KCNQ5: variants seen among roughly 807,000 people sequenced by gnomAD.
KCNQ5 encodes the protein potassium voltage-gated channel subfamily Q member 5.
In KCNQ5, 30 loss-of-function variants were observed where a neutral mutation model predicts 98.2. That is an observed-to-expected ratio of 0.31 (90% CI 0.23 to 0.41). The LOEUF is 0.41. Among genes scored for constraint, KCNQ5 ranks in the 10% least tolerant of loss-of-function variants. The pLI, the probability that KCNQ5 is intolerant of heterozygous loss-of-function variation, is 1.00. For synonymous variants in KCNQ5, 458 were observed against 449.4 expected (o/e 1.02, Z -0.24); for missense variants, 835 against 1,182.5 (o/e 0.71, Z 4.31).
chr6:73,042,459 AT>A (rs1478945397), intron 3 of KCNQ5, among the ~76,000 whole-genome samples: 1 of 152,240 alleles, frequency 6.6e-6, no homozygotes, highest in South Asian at 2.1e-4. Context: ...TTCAGTGAGT[AT>A]AAAAAACCCT....
chr6:72,766,504 T>C (rs764623345), intron 1 of KCNQ5, among the ~76,000 whole-genome samples: 3 of 152,044 alleles, frequency 2.0e-5, no homozygotes, highest in Non-Finnish European at 4.4e-5. Flanking sequence ...AAGAACCTAT[T>C]TGGAGACTAT....
At chr6:72,831,557 C>T (rs1476974453) in intron 1 of KCNQ5, among the ~76,000 whole-genome samples, 1 of 146,054 alleles carries the variant, frequency 6.8e-6, no homozygotes, top group Non-Finnish European at 1.5e-5. Flanking sequence ...GGAAGCGGAA[C>T]ATCACACACC....
chr6:73,045,821 T>C (rs1771934267), intron 3 of KCNQ5, among the ~76,000 whole-genome samples: 2 of 152,170 alleles, frequency 1.3e-5, no homozygotes, highest in South Asian at 2.1e-4. Context: ...CAAAGGCAGA[T>C]ATAACAGGGC....
At chr6:72,737,336 A>G (rs1770901247) in intron 1 of KCNQ5, among the ~76,000 whole-genome samples, 1 of 152,246 alleles carries the variant, frequency 6.6e-6, no homozygotes, top group Non-Finnish European at 1.5e-5. Context: ...AATATTTATA[A>G]TGAAAGAAGA....
At chr6:73,142,854 T>A (rs1324196306) in intron 10 of KCNQ5, among the ~76,000 whole-genome samples, 1 of 152,056 alleles carries the variant, frequency 6.6e-6, no homozygotes, top group East Asian at 1.9e-4. Context: ...AAGAGGAGGT[T>A]GCAGTGAGCT....
intron 1 of KCNQ5, among the ~76,000 whole-genome samples, chr6:72,962,350 GGA>G (rs1345546389): frequency 6.6e-6 from 1 of 150,676 alleles, no homozygotes; most frequent in East Asian, 1.9e-4. Context: ...CTCAGATGCA[GGA>G]GAGAGAGGAC....
chr6:72,756,863 C>A (rs1379555441), intron 1 of KCNQ5, among the ~76,000 whole-genome samples: 3 of 151,924 alleles, frequency 2.0e-5, no homozygotes, highest in South Asian at 2.1e-4. Flanking sequence ...CATACTTGAT[C>A]GAAGTAAATG....
intron 3 of KCNQ5, among the ~76,000 whole-genome samples, chr6:73,067,364 C>T (rs1562158768): frequency 6.6e-6 from 1 of 152,050 alleles, no homozygotes; most frequent in African/African-American, 2.4e-5. Flanking sequence ...ATCTATAAAA[C>T]ATTTTTTTTT....
chr6:72,978,777 A>G (rs1768280596), intron 1 of KCNQ5, among the ~76,000 whole-genome samples: 2 of 152,206 alleles, frequency 1.3e-5, no homozygotes, highest in Non-Finnish European at 2.9e-5. Flanking sequence ...TGCTGCACCC[A>G]TTAACTCGTC....
At chr6:73,017,181 T>C (rs1770383589) in intron 2 of KCNQ5, among the ~76,000 whole-genome samples, 1 of 152,170 alleles carries the variant, frequency 6.6e-6, no homozygotes, top group Non-Finnish European at 1.5e-5. Context: ...GAAGAATTCA[T>C]TGTCCACAGT....
chr6:73,007,173 A>G (rs1050469855), intron 2 of KCNQ5, among the ~76,000 whole-genome samples: 9 of 152,226 alleles, frequency 5.9e-5, no homozygotes, highest in African/African-American at 1.9e-4. Context: ...CCTTGGTTAC[A>G]AGCCAAATGA....
chr6:73,044,528 A>G (rs1771868180), intron 3 of KCNQ5, among the ~76,000 whole-genome samples: 1 of 152,192 alleles, frequency 6.6e-6, no homozygotes, highest in African/African-American at 2.4e-5. Flanking sequence ...AATGGATGTT[A>G]TAGTGAAGCA....
chr6:72,671,196 G>A (rs1321715890), intron 1 of KCNQ5, among the ~76,000 whole-genome samples: 1 of 152,102 alleles, frequency 6.6e-6, no homozygotes, highest in East Asian at 1.9e-4. Flanking sequence ...CAGATTTGAG[G>A]GATTTTGAGG....
At chr6:72,763,902 G>A (rs921084694) in intron 1 of KCNQ5, among the ~76,000 whole-genome samples, 4 of 151,950 alleles carry the variant, frequency 2.6e-5, no homozygotes, top group African/African-American at 9.7e-5. Flanking sequence ...CCTTGAGAAA[G>A]TATGTAATCC....
chr6:72,889,684 A>G (rs1240327221), intron 1 of KCNQ5, among the ~76,000 whole-genome samples: 1 of 152,160 alleles, frequency 6.6e-6, no homozygotes, highest in African/African-American at 2.4e-5. Context: ...TCAATTACCA[A>G]ATGGTAAGCT....
At chr6:72,716,697 G>C (rs1437547027) in intron 1 of KCNQ5, among the ~76,000 whole-genome samples, 2 of 152,194 alleles carry the variant, frequency 1.3e-5, no homozygotes, top group Non-Finnish European at 2.9e-5. Context: ...TTGGATGTCA[G>C]ACATGAACTG....
chr6:72,847,680 T>C (rs1053766539), intron 1 of KCNQ5, among the ~76,000 whole-genome samples: 7 of 152,220 alleles, frequency 4.6e-5, no homozygotes, highest in African/African-American at 1.7e-4. Flanking sequence ...ATTTCAATGC[T>C]TGCTGTCAGA....
chr6:72,745,893 C>T (rs531334243), intron 1 of KCNQ5, among the ~76,000 whole-genome samples: 7 of 152,036 alleles, frequency 4.6e-5, no homozygotes, highest in African/African-American at 1.4e-4. Context: ...GGCGTGTAGC[C>T]GCCTCACTCC....
Position 73,007,841 on chromosome 6 carries a change from C to T in KCNQ5, c.489+3843C>T, listed in dbSNP as rs77304918. Among the ~76,000 whole-genome samples the T allele has an allele frequency of 6.3e-3, 957 of 152,270 alleles. 6 individuals carry two copies. The highest frequency in any genetic ancestry group is 6.9e-3 in the Non-Finnish European group (471 of 68,008). On this transcript the variant is annotated intron_variant, in intron 2 of 13. Transcript: ENST00000370398. ...CCTTCACCCATTGCTGTAAGCCCCT[C>T]CCCTACCAGCAAAAGTGACTTCTAG...
Sources: allele counts gnomAD v4.1 joint callset (sites outside exome capture counted in the v4.1 genomes callset), GRCh38; gene constraint gnomAD v4.1.1; transcripts MANE v1.5; gene names NCBI Gene and HGNC (gene_info 2026-07-23, HGNC 2026-07-21).